The following KAT6B variants were observed in gnomAD, a reference collection of about 807,000 sequenced individuals.
KAT6B encodes histone acetyltransferase KAT6B.
In KAT6B, 10 loss-of-function variants were observed where a neutral mutation model predicts 187.5. That is an observed-to-expected ratio of 0.05 (90% CI 0.03 to 0.09). The LOEUF is 0.09. KAT6B is among the 10% of genes least tolerant of loss of function. The pLI, the probability that KAT6B is intolerant of heterozygous loss-of-function variation, is 1.00. For missense variants in KAT6B, 1,952 were observed against 2,558.9 expected, an observed-to-expected ratio of 0.76 and a Z score of 5.12; for synonymous variants, 861 against 926.8, an observed-to-expected ratio of 0.93 and a Z score of 1.29.
chr10:74,982,236 T>C (rs931909574), intron 11 of KAT6B: 10 of 344,558 alleles, frequency 2.9e-5, no homozygotes, highest in African/African-American at 1.9e-4. Context: ...CTACTTTCTT[T>C]GGCAGGAGAA....
At chr10:74,883,679 G>A (rs1017080223) in intron 3 of KAT6B, among the ~76,000 whole-genome samples, 15 of 152,130 alleles carry the variant, frequency 9.9e-5, no homozygotes. Flanking sequence ...ACAGTGTGGT[G>A]GCCAGCCCAG....
chr10:74,907,730 A>G (rs1005427799), intron 3 of KAT6B, among the ~76,000 whole-genome samples: 8 of 152,038 alleles, frequency 5.3e-5, no homozygotes, highest in African/African-American at 1.9e-4. Context: ...GGGTTTCACA[A>G]TGTTGGCCAG....
At chr10:75,009,538 G>T (rs1220185680) in intron 13 of KAT6B, among the ~76,000 whole-genome samples, 1 of 152,196 alleles carries the variant, frequency 6.6e-6, no homozygotes, top group African/African-American at 2.4e-5. Flanking sequence ...TAGCCAAACA[G>T]TGGACAGAAT....
rs369127534 is a variant in KAT6B at position 75,030,614 on chromosome 10, G to A, written c.5790G>A (p.Ala1930=). Residue 1930 remains alanine, a synonymous_variant, in exon 18 of 18, where the codon GCG becomes GCA. Coordinates refer to ENST00000287239, the MANE Select transcript of KAT6B (RefSeq NM_012330.4). This position sits in a 1 kb window ranked among gnomAD's most constrained non-coding sequence, Gnocchi z 4.8. ...KGHISMRTKS[A]SLSPAAATHQ... ...ACATCTCCATGAGAACCAAGTCAGC[G>A]TCTCTGTCACCAGCCGCTGCCACCC... 25 of 1,612,902 alleles carry A rather than the reference G, an allele frequency of 1.6e-5. No homozygotes were observed. In the Admixed American group the frequency reaches 1.7e-4, roughly 11 times the overall value.
rs1160869505 is a variant in KAT6B, at chr10:74,842,648, C to T, written c.-210C>T. On this transcript the variant is annotated 5_prime_UTR_variant, in exon 3 of 18. Transcript: ENST00000287239. ...GTTCTTCACCCGAATGCAGTCTTTC[C>T]TGTTGGTAAAATAAGACAACCATCA... is the stretch of plus-strand genomic sequence containing the variant. 1.6e-6 allele frequency: 1 copy of T among 620,238 alleles called. No individual in the cohort carries two copies. Among genetic ancestry groups the T allele is most frequent in the Non-Finnish European group, 2.8e-6 (1 of 352,066 alleles). 38.4% of individuals were successfully genotyped at this position (620,238 alleles called of 1,614,324 possible).
At chr10:75,005,956 A>T (rs77867726) in intron 13 of KAT6B, among the ~76,000 whole-genome samples, 1 of 152,226 alleles carries the variant, frequency 6.6e-6, no homozygotes, top group African/African-American at 2.4e-5. Flanking sequence ...TATGCAGCAC[A>T]ATTACACGGC....
intron 3 of KAT6B, among the ~76,000 whole-genome samples, chr10:74,952,846 A>ATTTTTTTTT (rs34687036): frequency 3.7e-3 from 335 of 90,558 alleles, no homozygotes; most frequent in South Asian, 8.5e-3. Context: ...TGCCTGGCTA[A>ATTTTTTTTT]TTTTTTTTTT....
rs754235757 is a variant in KAT6B at position 74,975,830 on chromosome 10, C to T, written c.1493C>T (p.Thr498Ile). The change falls in exon 8 of 18, where the codon ACC becomes ATC. Residue 498 changes from threonine to isoleucine, a missense_variant. Coordinates refer to ENST00000287239, the MANE Select transcript of KAT6B (RefSeq NM_012330.4). ...KPPPSSLPPP[T>I]PISGQSPSSQ... ...CCACCTTCTTCACTTCCACCCCCAA[C>T]CCCCATCTCCGGTCAGAGCCCCAGT... The T allele has an allele frequency of 1.2e-6, 2 of 1,614,172 alleles. No homozygotes were observed.
At chr10:74,902,291 G>C (rs1388283397) in intron 3 of KAT6B, among the ~76,000 whole-genome samples, 1 of 152,046 alleles carries the variant, frequency 6.6e-6, no homozygotes, top group African/African-American at 2.4e-5. Context: ...CAGTTAGCTG[G>C]GTCTGAATGG....
At chr10:74,984,893 G>A in intron 11 of KAT6B, 187 bp from the exon 12 acceptor site, 1 of 615,246 alleles carries the variant, frequency 1.6e-6, no homozygotes, top group South Asian at 2.0e-5. Flanking sequence ...AGAAAATGTG[G>A]AATTCTGATT....
Position 75,032,219 on chromosome 10 carries a change from C to T in KAT6B, c.*1173C>T. The T allele has an allele frequency of 5.2e-6, 1 of 191,922 alleles. No homozygotes were observed. The highest frequency in any genetic ancestry group is 1.1e-5 in the Non-Finnish European group (1 of 91,724). 11.9% of individuals were successfully genotyped at this position (191,922 alleles called of 1,614,324 possible). On this transcript the variant is annotated 3_prime_UTR_variant, in exon 18 of 18. Transcript: ENST00000287239. ...TATCTGTTCTCTTTTTAGTCAGTCACTTCAAAAAAACAAAAAACAAACAAA... is the reference window on the plus strand; with the variant it reads ...TATCTGTTCTCTTTTTAGTCAGTCATTTCAAAAAAACAAAAAACAAACAAA...
intron 3 of KAT6B, among the ~76,000 whole-genome samples, chr10:74,940,166 G>C (rs1849557855): frequency 6.6e-6 from 1 of 151,952 alleles, no homozygotes; most frequent in East Asian, 1.9e-4. Flanking sequence ...TGTACTGTGT[G>C]GAATTTTTTA....
intron 3 of KAT6B, among the ~76,000 whole-genome samples, chr10:74,861,164 T>C (rs1420437376): frequency 6.7e-6 from 1 of 149,450 alleles, no homozygotes; most frequent in African/African-American, 2.5e-5. Flanking sequence ...TAGCCGGGTG[T>C]GGTGACACAC....
At chr10:74,988,880 A>G (rs1589762384) in intron 12 of KAT6B, 139 bp from the exon 13 acceptor site, 3 of 750,094 alleles carry the variant, frequency 4.0e-6, no homozygotes, top group South Asian at 2.8e-5. Flanking sequence ...TGATTAATAT[A>G]GTAGGATTTT....
chr10:74,999,421 G>A (rs1322853496), intron 13 of KAT6B, among the ~76,000 whole-genome samples: 1 of 152,194 alleles, frequency 6.6e-6, no homozygotes, highest in Non-Finnish European at 1.5e-5. Context: ...TGTGGGTGAG[G>A]GCAACCAGGG....
chr10:74,897,592 C>T (rs74720325), intron 3 of KAT6B, among the ~76,000 whole-genome samples: 1,871 of 152,214 alleles, frequency 0.012, 35 homozygotes, highest in African/African-American at 0.043. Flanking sequence ...TATGTTACCC[C>T]CTAGCAAGGC....
At chr10:74,890,799 C>CA (rs1845596845) in intron 3 of KAT6B, among the ~76,000 whole-genome samples, 1 of 152,084 alleles carries the variant, frequency 6.6e-6, no homozygotes, top group African/African-American at 2.4e-5. Flanking sequence ...TTTTAAAATA[C>CA]AGTCACTTTG....
At chr10:74,936,468 A>T (rs898150294) in intron 3 of KAT6B, among the ~76,000 whole-genome samples, 3 of 152,014 alleles carry the variant, frequency 2.0e-5, no homozygotes, top group Non-Finnish European at 2.9e-5. Context: ...AGGTATTTTT[A>T]AAAAATAATA....
At chr10:74,839,837 G>A (rs947643750) in intron 2 of KAT6B, among the ~76,000 whole-genome samples, 2 of 152,212 alleles carry the variant, frequency 1.3e-5, no homozygotes, top group Non-Finnish European at 2.9e-5. Flanking sequence ...TGGTTGCACT[G>A]TGAAAGCCAG....
Sources: gnomAD v4.1 joint callset for allele counts (sites outside exome capture counted in the v4.1 genomes callset) on GRCh38, gnomAD v4.1.1 for gene constraint, Gnocchi (gnomAD v3.1) non-coding constraint, MANE v1.5 for transcripts, NCBI Gene and HGNC (gene_info 2026-07-23, HGNC 2026-07-21) for gene names.